The following CNOT10 variants were observed in gnomAD, a reference collection of about 807,000 sequenced individuals.
CNOT10 encodes the protein CCR4-NOT transcription complex, subunit 10.
Under a neutral mutation model 94.6 loss-of-function variants are expected in CNOT10, and 30 were observed. The observed-to-expected ratio is 0.32, with a 90% confidence interval of 0.24 to 0.43. CNOT10 has a LOEUF of 0.43. CNOT10 is among the 20% of genes least tolerant of loss of function. The pLI is 1.00. For synonymous variants in CNOT10, 289 were observed against 301.6 expected (o/e 0.96, Z 0.43); for missense variants, 759 against 877.2 (o/e 0.87, Z 1.70).
In CNOT10 at chr3:32,754,493, C is replaced by CAT. The variant is rs1246743981; in HGVS notation, c.1596-4950_1596-4949dup. Among the ~76,000 whole-genome samples the CAT allele has an allele frequency of 3.9e-5, 3 of 76,014 alleles. 1 individual carries two copies. The highest frequency in any genetic ancestry group is 2.0e-4 in the African/African-American group (3 of 14,912). 49.9% of individuals were successfully genotyped at this position (76,014 alleles called of 152,430 possible). ...CTCCGTCTCAAAAAAAAAAAAAATA[C>CAT]ATATATATATATATATTTATTTTAC... On this transcript the variant is annotated intron_variant, in intron 13 of 18. Coordinates refer to ENST00000328834, the MANE Select transcript of CNOT10 (RefSeq NM_015442.3).
chr3:32,721,060 C>CATT (rs779437501), intron 8 of CNOT10, among the ~76,000 whole-genome samples: 1 of 97,694 alleles, frequency 1.0e-5, no homozygotes, highest in Non-Finnish European at 1.9e-5. Flanking sequence ...TCTTTCCTTT[C>CATT]TTTTTTTTTT....
intron 13 of CNOT10, among the ~76,000 whole-genome samples, chr3:32,745,039 T>G (rs1006099990): frequency 6.6e-6 from 1 of 152,026 alleles, no homozygotes; most frequent in Non-Finnish European, 1.5e-5. Flanking sequence ...CCACAATGCC[T>G]GGCTAATTTT....
intron 10 of CNOT10, chr3:32,730,532 A>G (rs1269564129): frequency 1.3e-5 from 2 of 152,212 alleles, no homozygotes; most frequent in Non-Finnish European, 2.9e-5. Context: ...TCCTCCTAAA[A>G]AAAAACTTTA....
At chr3:32,714,408 A>C (rs942388417) in intron 5 of CNOT10, among the ~76,000 whole-genome samples, 1 of 151,268 alleles carries the variant, frequency 6.6e-6, no homozygotes, top group African/African-American at 2.4e-5. Flanking sequence ...AGTTCTTCAA[A>C]AAAAAAAAAA....
intron 10 of CNOT10, among the ~76,000 whole-genome samples, chr3:32,731,557 C>T (rs1698953891): frequency 1.3e-5 from 2 of 152,142 alleles, no homozygotes; most frequent in South Asian, 4.1e-4. Flanking sequence ...TCACTGCAGT[C>T]TCGACCTCCC....
At chr3:32,771,600 AAATAAT>A (rs377398906) in intron 18 of CNOT10, among the ~76,000 whole-genome samples, 1 of 151,902 alleles carries the variant, frequency 6.6e-6, no homozygotes, top group Non-Finnish European at 1.5e-5. Context: ...ACCCTGTCTC[AAATAAT>A]AATAATAATA....
At chr3:32,713,163 T>C (rs563077085) in intron 4 of CNOT10, 64 bp from the exon 5 acceptor site, 4 of 1,280,958 alleles carry the variant, frequency 3.1e-6, no homozygotes, top group East Asian at 2.6e-5. Flanking sequence ...TTTTGGAGGG[T>C]GGTCTGAAAT....
chr3:32,773,744 GC>G lies in CNOT10; in HGVS notation c.*135del, dbSNP rs761713488. ...GAGTCAATTCTACCCCTGACATTTG[GC>G]CAAAAGCTTACTTAAAATTAAGGAT... On this transcript the variant is annotated 3_prime_UTR_variant, in exon 19 of 19. Coordinates refer to ENST00000328834, the MANE Select transcript of CNOT10 (RefSeq NM_015442.3). 1.3e-4 allele frequency: 109 copies of G among 832,214 alleles called. 1 individual carries two copies. The highest frequency in any genetic ancestry group is 1.1e-3 in the Admixed American group (31 of 27,804). 51.6% of individuals were successfully genotyped at this position (832,214 alleles called of 1,614,324 possible).
chr3:32,686,912 A>G (rs572652746), intron 1 of CNOT10, among the ~76,000 whole-genome samples: 1 of 152,266 alleles, frequency 6.6e-6, no homozygotes, highest in East Asian at 1.9e-4. Context: ...TGGATATGAC[A>G]CACTCCCTGC....
chr3:32,725,555 A>G lies in CNOT10; in HGVS notation c.968A>G (p.Asn323Ser), dbSNP rs768620008. 1 of 1,614,188 alleles carries G rather than the reference A, an allele frequency of 6.2e-7. No homozygotes were observed. The highest frequency in any genetic ancestry group is 1.1e-5 in the South Asian group (1 of 91,082). ...TACTTTAAAAAGGCTCTGCAAGAGA[A>G]TGACAATGTCTGTGCACAGCTCAGT... ...IFYFKKALQE[N>S]DNVCAQLSAG... The change falls in exon 9 of 19, where the codon AAT becomes AGT. Residue 323 changes from asparagine to serine, a missense_variant. Transcript: ENST00000328834.
At chr3:32,754,493 CAT>C (rs1246743981) in intron 13 of CNOT10, among the ~76,000 whole-genome samples, 1 of 76,014 alleles carries the variant, frequency 1.3e-5, no homozygotes, top group African/African-American at 6.7e-5. Flanking sequence ...AAAAAAAATA[CAT>C]ATATATATAT....
At chr3:32,693,119 A>G (rs955144895) in intron 1 of CNOT10, among the ~76,000 whole-genome samples, 1 of 152,192 alleles carries the variant, frequency 6.6e-6, no homozygotes, top group African/African-American at 2.4e-5. Flanking sequence ...AAATGCTAAA[A>G]GCTTAATTCA....
At chr3:32,730,318 C>G (rs375527770) in intron 10 of CNOT10, among the ~76,000 whole-genome samples, 183 of 152,160 alleles carry the variant, frequency 1.2e-3, no homozygotes, top group African/African-American at 4.0e-3. Context: ...CTCCCCTCCC[C>G]CTAGAGGAGA....
chr3:32,712,038 G>C (rs1575224957), intron 4 of CNOT10, among the ~76,000 whole-genome samples: 1 of 151,928 alleles, frequency 6.6e-6, no homozygotes, highest in Admixed American at 6.6e-5. Flanking sequence ...GTCACACCAG[G>C]TTAACTTTCC....
At chr3:32,737,368 A>T (rs772126846) in intron 12 of CNOT10, 42 bp from the exon 13 acceptor site, 2 of 1,373,310 alleles carry the variant, frequency 1.5e-6, no homozygotes, top group East Asian at 4.6e-5. Flanking sequence ...TTAATTATTT[A>T]TTTGTTGCTC....
In CNOT10 at chr3:32,753,047, A is replaced by G. The variant is rs562407506; in HGVS notation, c.1596-6411A>G. On this transcript the variant is annotated intron_variant, in intron 13 of 18. Transcript: ENST00000328834. ...TGGAACAGAAACCAAATGATGCATA[A>G]TATTAGTGTCAAAGAGCTTATTGTC... The G allele has an allele frequency of 5.9e-4, 295 of 501,334 alleles. 2 individuals carry two copies. Among genetic ancestry groups the G allele is most frequent in the South Asian group, 3.3e-3 (212 of 63,708 alleles). 31.1% of individuals were successfully genotyped at this position (501,334 alleles called of 1,614,324 possible). A position where few individuals can be genotyped will look rare whatever the true frequency, so the allele number is the denominator to read the frequency against.
At chr3:32,730,004 G>A (rs1038870072) in intron 10 of CNOT10, among the ~76,000 whole-genome samples, 7 of 151,678 alleles carry the variant, frequency 4.6e-5, no homozygotes, top group South Asian at 4.1e-4. Flanking sequence ...TCCTGACCTC[G>A]TGATCCGCCC....
chr3:32,757,697 G>A (rs1288058003), intron 13 of CNOT10, among the ~76,000 whole-genome samples: 1 of 152,156 alleles, frequency 6.6e-6, no homozygotes, highest in Non-Finnish European at 1.5e-5. Context: ...CTGAAGATGA[G>A]AGATAACTAG....
At chr3:32,702,087 C>T (rs190515368) in intron 1 of CNOT10, among the ~76,000 whole-genome samples, 2,757 of 149,408 alleles carry the variant, frequency 0.018, 53 homozygotes, top group Middle Eastern at 0.074. Context: ...CGTGAGCCAC[C>T]ACACCTGGCC....
Sources: gnomAD v4.1 joint callset for allele counts (sites outside exome capture counted in the v4.1 genomes callset) on GRCh38, gnomAD v4.1.1 for gene constraint, MANE v1.5 for transcripts, NCBI Gene and HGNC (gene_info 2026-07-23, HGNC 2026-07-21) for gene names.